GALNT17: variants seen among roughly 807,000 people sequenced by gnomAD.
The protein encoded by GALNT17 is polypeptide N-acetylgalactosaminyltransferase 17, also known as UDP-GalNAc:polypeptide N-acetylgalactosaminyltransferase-like 3.
A neutral mutation model predicts 63.7 loss-of-function variants in GALNT17; 29 were observed. That is an observed-to-expected ratio of 0.46 (90% CI 0.34 to 0.62). The LOEUF is 0.62. Ranked by LOEUF, GALNT17 falls within the 20% of genes least tolerant of loss-of-function variation. GALNT17 has a pLI of 0.01. For missense variants in GALNT17, 603 were observed against 799.6 expected, an observed-to-expected ratio of 0.75 and a Z score of 2.97; for synonymous variants, 305 against 318.3, an observed-to-expected ratio of 0.96 and a Z score of 0.45.
chr7:71,601,156 C>T (rs948413531), intron 6 of GALNT17, among the ~76,000 whole-genome samples: 1 of 151,730 alleles, frequency 6.6e-6, no homozygotes, highest in African/African-American at 2.4e-5. Flanking sequence ...ATATATATAT[C>T]TACCACAGTT....
rs866584899 is a variant in GALNT17 at position 71,421,030 on chromosome 7, G to C, written c.887G>C (p.Ser296Thr). The C allele has an allele frequency of 5.0e-6, 8 of 1,614,184 alleles. No homozygotes were observed. The highest frequency in any genetic ancestry group is 6.8e-6 in the Non-Finnish European group (8 of 1,180,022). Residue 296 changes from serine (S) to threonine (T), a missense_variant, in exon 5 of 11, where the codon AGC becomes ACC. This residue lies in a region of GALNT17 where 336 missense variants were observed against 507.8 expected (regional missense o/e 0.66). Transcript: ENST00000333538. Reference protein sequence around the residue: ...QRYENSAHGYSWELWCMYISP... With the variant: ...QRYENSAHGYTWELWCMYISP... Reference sequence around the variant, plus strand: ...TACGAGAACTCGGCCCACGGGTACAGCTGGGAGCTGTGGTGCATGTACATC... The same window carrying C: ...TACGAGAACTCGGCCCACGGGTACACCTGGGAGCTGTGGTGCATGTACATC...
chr7:71,549,291 G>A (rs1390281135), intron 5 of GALNT17, among the ~76,000 whole-genome samples: 1 of 152,198 alleles, frequency 6.6e-6, no homozygotes, highest in African/African-American at 2.4e-5. Flanking sequence ...TCTTGGCTGG[G>A]CACGGTGGCT....
At chr7:71,265,929 A>T (rs1446617723) in intron 1 of GALNT17, among the ~76,000 whole-genome samples, 1 of 152,174 alleles carries the variant, frequency 6.6e-6, no homozygotes. Flanking sequence ...ATCTGAAATG[A>T]GTTTTACAGG....
chr7:71,183,832 G>A (rs947573062), intron 1 of GALNT17, among the ~76,000 whole-genome samples: 1 of 152,066 alleles, frequency 6.6e-6, no homozygotes, highest in African/African-American at 2.4e-5. Flanking sequence ...AGAGGTTGGA[G>A]TGAGCCAAGA....
chr7:71,373,052 C>G (rs1323517764), intron 2 of GALNT17, among the ~76,000 whole-genome samples: 3 of 152,176 alleles, frequency 2.0e-5, no homozygotes, highest in Non-Finnish European at 2.9e-5. Context: ...TGTGAAACCT[C>G]TACTCCTGGG....
intron 2 of GALNT17, among the ~76,000 whole-genome samples, chr7:71,345,529 C>T (rs891602217): frequency 1.3e-5 from 2 of 152,164 alleles, no homozygotes; most frequent in Non-Finnish European, 2.9e-5. Context: ...GGCATGATGA[C>T]CCTGTGGAGC....
At chr7:71,654,681 G>A (rs1439093736) in intron 6 of GALNT17, among the ~76,000 whole-genome samples, 1 of 104,990 alleles carries the variant, frequency 9.5e-6, no homozygotes, top group Non-Finnish European at 2.3e-5. Context: ...AAGAGACAGT[G>A]GTGAAATCTT....
intron 5 of GALNT17, among the ~76,000 whole-genome samples, chr7:71,530,758 C>A (rs1049876345): frequency 6.6e-6 from 1 of 151,940 alleles, no homozygotes; most frequent in South Asian, 2.1e-4. Flanking sequence ...TTAGTAGAGA[C>A]GGGGTTTCAC....
intron 1 of GALNT17, among the ~76,000 whole-genome samples, chr7:71,253,513 T>C (rs1790237721): frequency 6.7e-6 from 1 of 150,100 alleles, no homozygotes; most frequent in South Asian, 2.1e-4. Flanking sequence ...TTACCTACTC[T>C]TCCTTTTTTT....
chr7:71,668,509 A>C, intron 7 of GALNT17, among the ~76,000 whole-genome samples: 1 of 101,812 alleles, frequency 9.8e-6, no homozygotes, highest in African/African-American at 4.1e-5. Context: ...AGGGCCAGAC[A>C]CCATCTCAAA....
chr7:71,384,211 C>A (rs1191453029), intron 2 of GALNT17, among the ~76,000 whole-genome samples: 1 of 152,082 alleles, frequency 6.6e-6, no homozygotes, highest in Non-Finnish European at 1.5e-5. Flanking sequence ...ATTTGCATTT[C>A]TCTAATGATT....
chr7:71,359,330 A>AT (rs1792353903), intron 2 of GALNT17, among the ~76,000 whole-genome samples: 1 of 152,096 alleles, frequency 6.6e-6, no homozygotes, highest in Admixed American at 6.5e-5. Context: ...CAGAGATCTC[A>AT]TGGTGAGAGT....
chr7:71,526,624 A>G (rs553609728), intron 5 of GALNT17, among the ~76,000 whole-genome samples: 245 of 152,160 alleles, frequency 1.6e-3, no homozygotes, highest in African/African-American at 5.5e-3. Context: ...GGTTCAAGCA[A>G]TTCTCCTGTC....
At position 71,135,748 on chromosome 7, in the gene GALNT17, C is replaced by T. The variant is rs190112692; in HGVS notation, c.238+2708C>T. Among the ~76,000 whole-genome samples the T allele has an allele frequency of 2.2e-3, 334 of 152,268 alleles. 2 individuals are homozygous for T. The highest frequency in any genetic ancestry group is 0.02 in the Admixed American group (308 of 15,300). On this transcript the variant is annotated intron_variant, in intron 1 of 10. Coordinates refer to ENST00000333538, the MANE Select transcript of GALNT17 (RefSeq NM_022479.3). The stretch of plus-strand genomic sequence containing the variant: ...TCAAGCAGAGTAAAGGTAGAAAACC[C>T]ATCCAACCTCCAAAGCCAGCTCATT...
intron 5 of GALNT17, among the ~76,000 whole-genome samples, chr7:71,480,524 A>G (rs929546339): frequency 6.6e-6 from 1 of 150,948 alleles, no homozygotes; most frequent in Admixed American, 6.6e-5. Flanking sequence ...CAGAGACACT[A>G]CTGAGCTCTG....
intron 1 of GALNT17, among the ~76,000 whole-genome samples, chr7:71,319,234 C>A (rs1337295404): frequency 5.9e-5 from 9 of 151,868 alleles, no homozygotes; most frequent in Non-Finnish European, 1.2e-4. Flanking sequence ...TTGCCTCTTT[C>A]TGCTGCCTTC....
intron 6 of GALNT17, among the ~76,000 whole-genome samples, chr7:71,635,405 C>T (rs1168892583): frequency 1.3e-5 from 2 of 152,188 alleles, no homozygotes; most frequent in East Asian, 1.9e-4. Flanking sequence ...CACTTCCCAT[C>T]ATGGCCTGAA....
intron 5 of GALNT17, among the ~76,000 whole-genome samples, chr7:71,460,409 G>A (rs902219530): frequency 6.6e-5 from 10 of 152,114 alleles, no homozygotes; most frequent in African/African-American, 2.4e-4. Context: ...AACACTACAA[G>A]CAGGGCAGTC....
intron 5 of GALNT17, among the ~76,000 whole-genome samples, chr7:71,431,652 T>C (rs1786869193): frequency 1.3e-5 from 2 of 152,142 alleles, no homozygotes; most frequent in African/African-American, 4.8e-5. Flanking sequence ...TTACCTGCTG[T>C]TCTGTCTTTC....
Sources: gnomAD v4.1 joint callset for allele counts (sites outside exome capture counted in the v4.1 genomes callset) on GRCh38, gnomAD v4.1.1 for gene constraint, gnomAD v4.1.1 regional missense constraint, MANE v1.5 for transcripts, NCBI Gene and HGNC (gene_info 2026-07-23, HGNC 2026-07-21) for gene names.